C12orf76: variants seen among roughly 807,000 people sequenced by gnomAD.
C12orf76 encodes chromosome 12 open reading frame 76.
Under a neutral mutation model 6.8 loss-of-function variants are expected in C12orf76, and 6 were observed. The ratio of observed to expected loss-of-function variants is 0.88; its 90% CI spans 0.48 to 1.73. The LOEUF (loss-of-function observed/expected upper bound fraction) is 1.73. Among genes scored for constraint, C12orf76 ranks in the 40% most tolerant of loss-of-function variants. The probability of loss-of-function intolerance (pLI) is 0.01; values close to 1 mark genes in which losing one functional copy is unlikely to be tolerated. For missense variants in C12orf76, 99 were observed against 98.2 expected (o/e 1.01, Z -0.03); for synonymous variants, 56 against 43.7 (o/e 1.28, Z -1.11).
At chr12:110,052,808 G>A (rs2137225847), upstream of C12orf76, among the ~76,000 whole-genome samples, 1 of 152,342 alleles carries the variant, frequency 6.6e-6, no homozygotes, top group South Asian at 2.1e-4. Flanking sequence ...CCTTGGCTAT[G>A]TAACCACCCA....
At position 110,048,415 on chromosome 12, in the gene C12orf76, C is replaced by A; in HGVS notation, c.81G>T (p.Val27=). 1 of 1,516,478 alleles carries A rather than the reference C, an allele frequency of 6.6e-7. No homozygotes were observed. The highest frequency in any genetic ancestry group is 1.2e-5 in the South Asian group (1 of 82,838). The allele number at this position is 1,516,478 out of a possible 1,614,324, so 93.9% of individuals were successfully genotyped here. ...ACGGCCGGCTCCGCTCCAGCGGATC[C>A]ACGGGGCTCGGGGCCTCTGCCTCCC... is the stretch of plus-strand genomic sequence containing the variant. The part of the protein sequence containing the change: ...LVGEAEAPSP[V]DPLERSRPYA... Residue 27 remains valine, a synonymous_variant, in exon 1 of 2, where the codon GTG becomes GTT. Coordinates refer to ENST00000615315, the MANE Select transcript of C12orf76 (RefSeq NM_001389625.1).
chr12:110,053,299 G>A (rs1196078133), upstream of C12orf76, among the ~76,000 whole-genome samples: 1 of 152,064 alleles, frequency 6.6e-6, no homozygotes, highest in Non-Finnish European at 1.5e-5. Context: ...AGAAGTTCGA[G>A]ACCAGCCTGG....
upstream of C12orf76, among the ~76,000 whole-genome samples, chr12:110,053,012 C>G (rs946366278): frequency 1.3e-5 from 2 of 151,024 alleles, no homozygotes; most frequent in African/African-American, 4.9e-5. Context: ...ACCATCCTGG[C>G]CAACATGGCG....
chr12:110,067,382 C>G, intron 1 of C12orf76: 1 of 984,510 alleles, frequency 1.0e-6, no homozygotes, highest in African/African-American at 1.7e-5. Flanking sequence ...TAGATAGAGT[C>G]TCCACAGCCC....
chr12:110,042,619 A>G (rs773111967), intron 1 of C12orf76, 160 bp from the exon 2 acceptor site: 1 of 705,448 alleles, frequency 1.4e-6, no homozygotes, highest in Middle Eastern at 2.3e-4. Context: ...GTCTCTAAAT[A>G]TAGTTGGGGG....
rs369323944 is a variant in C12orf76 at position 110,065,070 on chromosome 12, G to C, written n.380+790C>G. Among the ~76,000 whole-genome samples, 6 of 151,812 alleles carry C rather than the reference G, an allele frequency of 4.0e-5. 1 individual carries two copies. The highest frequency in any genetic ancestry group is 3.9e-4 in the Admixed American group (6 of 15,242). On this transcript the variant is annotated intron_variant and non_coding_transcript_variant, in intron 2 of 4. Coordinates refer to the C12orf76 transcript ENST00000309050. ...GGGATGAAGATAGATGGTAGTAGGC[G>C]GTGTTTAATTGCTTGCCTGAGATCC...
intron 1 of C12orf76, among the ~76,000 whole-genome samples, chr12:110,044,833 C>T (rs1030001491): frequency 4.6e-5 from 7 of 151,888 alleles, no homozygotes; most frequent in South Asian, 2.1e-4. Context: ...ATTAGCTGGG[C>T]GTGATGGTGC....
At chr12:110,064,036 T>C (rs977719811) in intron 2 of C12orf76, among the ~76,000 whole-genome samples, 21 of 152,186 alleles carry the variant, frequency 1.4e-4, no homozygotes, top group Non-Finnish European at 3.1e-4. Flanking sequence ...TGTGTTAGTT[T>C]CCACCGCTGT....
intron 2 of C12orf76, among the ~76,000 whole-genome samples, chr12:110,064,710 C>T (rs1593251065): frequency 6.6e-6 from 1 of 152,152 alleles, no homozygotes; most frequent in Non-Finnish European, 1.5e-5. Context: ...CTTCCCCAGC[C>T]CCACCTTGGC....
upstream of C12orf76, among the ~76,000 whole-genome samples, chr12:110,072,686 G>C (rs966745939): frequency 3.9e-5 from 6 of 152,144 alleles, no homozygotes; most frequent in Admixed American, 2.0e-4. Context: ...ACTTTGGAAG[G>C]CTGAGGCAGG....
At chr12:110,057,248 T>C (rs1892685561) in exon 4 of C12orf76, 1 of 1,614,174 alleles carries the variant, frequency 6.2e-7, no homozygotes, top group Non-Finnish European at 8.5e-7. Context: ...CTTCAAGCTC[T>C]GCAGGGAGGA....
chr12:110,047,696 A>G (rs1892486833), intron 1 of C12orf76, among the ~76,000 whole-genome samples: 1 of 152,228 alleles, frequency 6.6e-6, no homozygotes, highest in Non-Finnish European at 1.5e-5. Flanking sequence ...AGAAAAAAAA[A>G]GGGCTGCAAA....
chr12:110,058,992 A>T (rs1274986195), exon 3 of C12orf76: 1 of 1,544,404 alleles, frequency 6.5e-7, no homozygotes, highest in Non-Finnish European at 8.7e-7. Flanking sequence ...TATTACCTCC[A>T]CCTAATAGCC....
At chr12:110,068,537 A>G (rs1390322307), upstream of C12orf76, among the ~76,000 whole-genome samples, 2 of 152,198 alleles carry the variant, frequency 1.3e-5, no homozygotes, top group Non-Finnish European at 2.9e-5. Flanking sequence ...AATCCTGGCT[A>G]ACATAGACCT....
Position 110,047,122 on chromosome 12 carries a change from A to G in C12orf76, c.133+1241T>C, listed in dbSNP as rs117509576. ...TAATAGCCACTTTGTAGATATACAG[A>G]TGTACCAAGGAGATACAGTGGGAAG... is the stretch of plus-strand genomic sequence containing the variant. On this transcript the variant is annotated intron_variant, in intron 1 of 1. Coordinates refer to ENST00000615315, the MANE Select transcript of C12orf76 (RefSeq NM_001389625.1). 4.8e-4 allele frequency among the ~76,000 whole-genome samples: 73 copies of G among 152,294 alleles called. No homozygotes were observed. The East Asian group carries it at 0.013, about 28-fold the overall frequency.
chr12:110,058,891 T>G, intron 3 of C12orf76: 1 of 1,351,594 alleles, frequency 7.4e-7, no homozygotes, highest in Non-Finnish European at 9.9e-7. Flanking sequence ...CTTCTAAGTC[T>G]ATTTTGCTGA....
intron 2 of C12orf76, chr12:110,059,209 G>T: frequency 6.6e-7 from 1 of 1,516,904 alleles, no homozygotes; most frequent in South Asian, 1.2e-5. Flanking sequence ...TTTGTGTGTT[G>T]ATCTTGTTCC....
At chr12:110,042,933 C>T (rs1892352236) in intron 1 of C12orf76, among the ~76,000 whole-genome samples, 1 of 152,016 alleles carries the variant, frequency 6.6e-6, no homozygotes, top group Non-Finnish European at 1.5e-5. Flanking sequence ...TGGCATCCGC[C>T]AGCTACTCAG....
At chr12:110,060,628 C>T (rs1892754202) in intron 2 of C12orf76, among the ~76,000 whole-genome samples, 1 of 152,176 alleles carries the variant, frequency 6.6e-6, no homozygotes, top group Admixed American at 6.5e-5. Context: ...AAGGTTAGCC[C>T]TTCTCCGGGG....
Sources: allele counts gnomAD v4.1 joint callset (sites outside exome capture counted in the v4.1 genomes callset), GRCh38; gene constraint gnomAD v4.1.1; transcripts MANE v1.5; gene names NCBI Gene and HGNC (gene_info 2026-07-23, HGNC 2026-07-21).